The following RSPH14 variants were observed in gnomAD, a reference collection of about 807,000 sequenced individuals.
RSPH14 encodes the protein rhabdoid tumor deletion region gene 1.
In RSPH14, 20 loss-of-function variants were observed where a neutral mutation model predicts 26.7. That is an observed-to-expected ratio of 0.75 (90% CI 0.53 to 1.09). The LOEUF (loss-of-function observed/expected upper bound fraction) is 1.09. Ranked by LOEUF, RSPH14 falls within the 50% of genes least tolerant of loss-of-function variation. The probability of loss-of-function intolerance (pLI) is 0.00; values close to 1 mark genes in which losing one functional copy is unlikely to be tolerated. For missense variants in RSPH14, 449 were observed against 457.2 expected (o/e 0.98, Z 0.16); for synonymous variants, 177 against 189.3 (o/e 0.93, Z 0.53).
the RSPH14 span, among the ~76,000 whole-genome samples, chr22:23,154,884 G>T: frequency 1.3e-5 from 2 of 152,222 alleles, no homozygotes; most frequent in African/African-American, 4.8e-5. Flanking sequence ...CCAGCACTTT[G>T]GGAGGCCAGG....
chr22:23,140,172 A>G, intron 2 of RSPH14, 50 bp downstream of exon 2: 1 of 1,605,120 alleles, frequency 6.2e-7, no homozygotes, highest in South Asian at 1.1e-5. Flanking sequence ...CCAGTGCCTG[A>G]AGCCATGCTA....
chr22:23,068,223 T>A (rs1652772367), intron 4 of RSPH14, among the ~76,000 whole-genome samples: 1 of 152,230 alleles, frequency 6.6e-6, no homozygotes, highest in Non-Finnish European at 1.5e-5. Flanking sequence ...CCTATGTCAC[T>A]GGCCACCTCC....
At chr22:23,157,670 T>A in the RSPH14 span, among the ~76,000 whole-genome samples, 1 of 152,214 alleles carries the variant, frequency 6.6e-6, no homozygotes, top group Non-Finnish European at 1.5e-5. Flanking sequence ...TCTCAGCAGT[T>A]AAGGCCCTCA....
intron 4 of RSPH14, among the ~76,000 whole-genome samples, chr22:23,130,076 A>G (rs1230972342): frequency 3.2e-5 from 1 of 31,262 alleles, no homozygotes; most frequent in African/African-American, 1.7e-4. Flanking sequence ...AGAAAGAAAG[A>G]AAGAAAGGAA....
In RSPH14 at chr22:23,092,969, A is replaced by T. The variant is rs1222241894; in HGVS notation, c.422-28836T>A. On this transcript the variant is annotated intron_variant, in intron 4 of 6. Transcript: ENST00000216036. ...TGGAATGATGGTGCTGGTAGGGAGA[A>T]CCCTGGGTCCCCAGGCAGTGGGCTG... Among the ~76,000 whole-genome samples, 3 of 152,308 alleles carry T rather than the reference A, an allele frequency of 2.0e-5. No homozygotes were observed. The East Asian group carries it at 5.8e-4, about 29-fold the overall frequency.
chr22:23,114,062 C>T (rs1210709267), intron 4 of RSPH14, among the ~76,000 whole-genome samples: 1 of 152,212 alleles, frequency 6.6e-6, no homozygotes, highest in East Asian at 1.9e-4. Flanking sequence ...CAGCATGAAG[C>T]TCATCTCTGT....
At position 23,140,256 on chromosome 22, in the gene RSPH14, A is replaced by G. The variant is rs748564885; in HGVS notation, c.165T>C (p.His55=). Residue 55 remains histidine (H), a synonymous_variant, in exon 2 of 7, where the codon CAT becomes CAC. Coordinates refer to ENST00000216036, the MANE Select transcript of RSPH14 (RefSeq NM_014433.3). Reference sequence around the variant, plus strand: ...TGGCCTTGTAGATACACTCGGGGTCATGCATGAGGTCACACAAGGCCATGA... The same window carrying G: ...TGGCCTTGTAGATACACTCGGGGTCGTGCATGAGGTCACACAAGGCCATGA... The part of the protein sequence containing the change: ...KALMALCDLM[H]DPECIYKAMN... 12 of 1,614,022 alleles carry G rather than the reference A, an allele frequency of 7.4e-6. No homozygotes were observed. The East Asian group carries it at 2.5e-4, about 33-fold the overall frequency.
Position 23,070,538 on chromosome 22 carries a change from A to G in RSPH14, c.422-6405T>C, listed in dbSNP as rs956290119. ...CGCCCCGCCCCGCCCTGCCCGGAGC[A>G]GCTCGGCAGATGCTCTGTGCTGCGG... On this transcript the variant is annotated intron_variant, in intron 4 of 6. Transcript: ENST00000216036. The G allele has an allele frequency of 1.0e-3, 154 of 150,742 alleles. 1 individual carries two copies. Among genetic ancestry groups the G allele is most frequent in the African/African-American group, 3.5e-3 (145 of 41,290 alleles). 9.3% of individuals were successfully genotyped at this position (150,742 alleles called of 1,614,324 possible). A position where few individuals can be genotyped will look rare whatever the true frequency, so the allele number is the denominator to read the frequency against.
At chr22:23,150,186 G>A in the RSPH14 span, 1 of 1,546,268 alleles carries the variant, frequency 6.5e-7, no homozygotes, top group Non-Finnish European at 8.9e-7. Context: ...TGGGGGAGCA[G>A]GTGGCAAGAA....
intron 4 of RSPH14, among the ~76,000 whole-genome samples, chr22:23,125,477 G>A (rs1030503951): frequency 6.6e-6 from 1 of 152,120 alleles, no homozygotes; most frequent in African/African-American, 2.4e-5. Flanking sequence ...GTAGGGTTTT[G>A]GAGAGGAGGG....
Position 23,081,821 on chromosome 22 carries a change from C to CAA in RSPH14, c.422-17690_422-17689dup, listed in dbSNP as rs55713577. 5.1e-3 allele frequency among the ~76,000 whole-genome samples: 236 copies of CAA among 46,502 alleles called. 2 individuals carry two copies. Among genetic ancestry groups the CAA allele is most frequent in the Non-Finnish European group, 5.7e-3 (148 of 25,914 alleles). 30.5% of individuals were successfully genotyped at this position (46,502 alleles called of 152,430 possible). A position where few individuals can be genotyped will look rare whatever the true frequency, so the allele number is the denominator to read the frequency against. ...TGGGCAACAGAGTGAGATTCCATCT[C>CAA]AAAAAAAAAAAAAAAAAAAAAAGGC... is the stretch of plus-strand genomic sequence containing the variant. On this transcript the variant is annotated intron_variant, in intron 4 of 6. Coordinates refer to ENST00000216036, the MANE Select transcript of RSPH14 (RefSeq NM_014433.3).
At chr22:23,168,878 G>A in the RSPH14 span, among the ~76,000 whole-genome samples, 1 of 152,196 alleles carries the variant, frequency 6.6e-6, no homozygotes, top group Non-Finnish European at 1.5e-5. Flanking sequence ...CCAGGTCTGG[G>A]CTCCCTCTTC....
chr22:23,138,896 C>T lies in RSPH14; in HGVS notation c.246G>A (p.Met82Ile), dbSNP rs1294165141. Reference protein sequence around the residue: ...LKALLKDSNSMVRIKTTEVLH... With the variant: ...LKALLKDSNSIVRIKTTEVLH... ...GCACCTCGGTGGTCTTTATGCGCAC[C>T]ATACTGTTGCTATCCTTCAGCAAAG... Residue 82 changes from methionine (M) to isoleucine (I), a missense_variant, in exon 3 of 7, where the codon ATG becomes ATA. Met to Ile is a conservative substitution (Grantham distance 10). Coordinates refer to ENST00000216036, the MANE Select transcript of RSPH14 (RefSeq NM_014433.3). 1 of 1,549,298 alleles carries T rather than the reference C, an allele frequency of 6.5e-7. No individual in the cohort carries two copies. Among genetic ancestry groups the T allele is most frequent in the Admixed American group, 2.0e-5 (1 of 50,956 alleles).
chr22:23,159,169 G>C, the RSPH14 span: 1 of 1,611,314 alleles, frequency 6.2e-7, no homozygotes, highest in Non-Finnish European at 8.5e-7. Flanking sequence ...CCAGTCAGGG[G>C]CCGCATGTGA....
At chr22:23,147,180 C>T (rs1280370937), upstream of RSPH14, among the ~76,000 whole-genome samples, 2 of 152,176 alleles carry the variant, frequency 1.3e-5, no homozygotes, top group South Asian at 4.1e-4. Flanking sequence ...CCTCTATGAG[C>T]TTGAAAACTC....
intron 4 of RSPH14, among the ~76,000 whole-genome samples, chr22:23,097,392 C>A (rs765693041): frequency 6.6e-6 from 1 of 152,228 alleles, no homozygotes; most frequent in Admixed American, 6.5e-5. Flanking sequence ...AGCCAGGGAA[C>A]CTGGACAGCT....
In RSPH14 at chr22:23,134,069, C is replaced by G. The variant is rs745713158; in HGVS notation, c.378G>C (p.Gly126=). Residue 126 remains glycine, a synonymous_variant, in exon 4 of 7, where the codon GGG becomes GGC. Transcript: ENST00000216036. ...LLNDPSPVCR[G]NLYKAYMQLV... ...GCTGCATGTATGCCTTGTACAGGTT[C>G]CCCCGGCAGACTGGGCTGGGGTCAT... 2 of 1,613,300 alleles carry G rather than the reference C, an allele frequency of 1.2e-6. No homozygotes were observed. Among genetic ancestry groups the G allele is most frequent in the Non-Finnish European group, 1.7e-6 (2 of 1,179,586 alleles).
chr22:23,152,038 G>A, the RSPH14 span, among the ~76,000 whole-genome samples: 3 of 152,238 alleles, frequency 2.0e-5, no homozygotes, highest in African/African-American at 4.8e-5. Context: ...GGGGCTGCCC[G>A]TCCCTTTTGC....
the RSPH14 span, among the ~76,000 whole-genome samples, chr22:23,175,789 T>C: frequency 0.28 from 42,581 of 152,158 alleles, 6,129 homozygotes; most frequent in East Asian, 0.35. Flanking sequence ...TGCAGCCAAG[T>C]TCCAGGGCCC....
Sources: allele counts gnomAD v4.1 joint callset (sites outside exome capture counted in the v4.1 genomes callset), GRCh38; gene constraint gnomAD v4.1.1; transcripts MANE v1.5; gene names NCBI Gene and HGNC (gene_info 2026-07-23, HGNC 2026-07-21).